Variants in LARGE1 observed in about 807,000 individuals in gnomAD.
LARGE1 encodes the protein LARGE xylosyl- and glucuronyltransferase 1, also known as xylosyl- and glucuronyltransferase LARGE1.
Under a neutral mutation model 87.6 loss-of-function variants are expected in LARGE1, and 43 were observed. The observed-to-expected ratio is 0.49, with a 90% CI of 0.38 to 0.63. The LOEUF (loss-of-function observed/expected upper bound fraction) is 0.63, where lower values mean the gene tolerates loss of function less well. Among genes scored for constraint, LARGE1 ranks in the 30% least tolerant of loss-of-function variants. The pLI is 0.00. For synonymous variants in LARGE1, 434 were observed against 394.6 expected (o/e 1.10, Z -1.18); for missense variants, 802 against 1,000.2 (o/e 0.80, Z 2.67).
chr22:33,590,221 A>C (rs2078796269), intron 5 of LARGE1, among the ~76,000 whole-genome samples: 1 of 152,248 alleles, frequency 6.6e-6, no homozygotes, highest in African/African-American at 2.4e-5. Flanking sequence ...CCAATTTAAA[A>C]TTATTAGTTG....
chr22:33,739,571 GC>G (rs1406109718), intron 2 of LARGE1, among the ~76,000 whole-genome samples: 2 of 152,192 alleles, frequency 1.3e-5, no homozygotes, highest in Non-Finnish European at 2.9e-5. Context: ...TTCAATAACA[GC>G]CTGTGAAGCT....
chr22:33,429,893 C>T (rs1266317536), intron 7 of LARGE1, among the ~76,000 whole-genome samples: 1 of 152,130 alleles, frequency 6.6e-6, no homozygotes, highest in Non-Finnish European at 1.5e-5. Flanking sequence ...GTCTCCAATG[C>T]ACTGAGAAAA....
intron 2 of LARGE1, among the ~76,000 whole-genome samples, chr22:33,715,715 A>G (rs2082888558): frequency 6.6e-6 from 1 of 152,116 alleles, no homozygotes. Context: ...CTCTTCCCCT[A>G]GCTCCCCAAA....
At chr22:33,409,172 G>A (rs908085579) in intron 7 of LARGE1, among the ~76,000 whole-genome samples, 2 of 152,182 alleles carry the variant, frequency 1.3e-5, no homozygotes, top group Admixed American at 1.3e-4. Flanking sequence ...CATCTGATCT[G>A]CTGTGGTGAA....
At chr22:33,736,521 A>G (rs2083661490) in intron 2 of LARGE1, among the ~76,000 whole-genome samples, 1 of 152,234 alleles carries the variant, frequency 6.6e-6, no homozygotes, top group African/African-American at 2.4e-5. Flanking sequence ...AGAGTTATTC[A>G]TCTATTCTGT....
intron 1 of LARGE1, among the ~76,000 whole-genome samples, chr22:33,828,894 T>A (rs539954960): frequency 6.6e-6 from 1 of 152,282 alleles, no homozygotes; most frequent in South Asian, 2.1e-4. Context: ...TACTTGCTAT[T>A]CCCTCTCGCT....
At chr22:33,792,660 A>C (rs561733570) in intron 1 of LARGE1, among the ~76,000 whole-genome samples, 3 of 152,138 alleles carry the variant, frequency 2.0e-5, no homozygotes, top group African/African-American at 2.4e-5. Flanking sequence ...AGAATAATCA[A>C]GTCACATATT....
chr22:33,174,141 C>A (rs1055223841), intron 11 of LARGE1, among the ~76,000 whole-genome samples: 2 of 152,176 alleles, frequency 1.3e-5, no homozygotes, highest in Admixed American at 6.5e-5. Flanking sequence ...AACAAACAGG[C>A]TCTCTGACCA....
intron 4 of LARGE1, among the ~76,000 whole-genome samples, chr22:33,612,995 C>A (rs940425984): frequency 6.6e-6 from 1 of 152,208 alleles, no homozygotes; most frequent in African/African-American, 2.4e-5. Context: ...AGAAACCTCA[C>A]CCTCACCTTT....
intron 6 of LARGE1, among the ~76,000 whole-genome samples, chr22:33,559,890 C>T (rs2077803383): frequency 6.6e-6 from 1 of 152,134 alleles, no homozygotes. Flanking sequence ...TGCTTCCCTG[C>T]CTTTGTTCTC....
chr22:33,636,564 G>A (rs959222964), intron 3 of LARGE1, among the ~76,000 whole-genome samples: 29 of 152,246 alleles, frequency 1.9e-4, no homozygotes, highest in African/African-American at 6.3e-4. Flanking sequence ...GTCTTGCTCC[G>A]TCACCCAGGC....
At chr22:33,508,260 C>T (rs2070859345) in intron 6 of LARGE1, among the ~76,000 whole-genome samples, 2 of 152,178 alleles carry the variant, frequency 1.3e-5, no homozygotes, top group African/African-American at 2.4e-5. Context: ...TGGTGGGTGT[C>T]ACCCTGGGCA....
intron 9 of LARGE1, among the ~76,000 whole-genome samples, chr22:33,339,302 A>G (rs1035451977): frequency 4.6e-5 from 7 of 151,970 alleles, no homozygotes; most frequent in Non-Finnish European, 1.0e-4. Context: ...GGGGTGGCTC[A>G]TTTGGAGCAT....
chr22:33,225,301 C>G (rs1437469973), intron 11 of LARGE1, among the ~76,000 whole-genome samples: 1 of 152,166 alleles, frequency 6.6e-6, no homozygotes, highest in Non-Finnish European at 1.5e-5. Context: ...GGCACTAGTT[C>G]TGGGTGCCTT....
chr22:33,620,740 G>A (rs2079722374), intron 4 of LARGE1, among the ~76,000 whole-genome samples: 1 of 152,020 alleles, frequency 6.6e-6, no homozygotes, highest in Non-Finnish European at 1.5e-5. Flanking sequence ...AGGCTAACAT[G>A]GTAAAACCCC....
At chr22:33,370,758 T>C (rs1034975385) in intron 9 of LARGE1, among the ~76,000 whole-genome samples, 18 of 150,786 alleles carry the variant, frequency 1.2e-4, no homozygotes, top group Non-Finnish European at 2.5e-4. Flanking sequence ...TATTATATTA[T>C]AGAACATTAT....
chr22:33,451,553 G>C (rs1466086032), intron 6 of LARGE1, among the ~76,000 whole-genome samples: 1 of 145,242 alleles, frequency 6.9e-6, no homozygotes, highest in Non-Finnish European at 1.5e-5. Context: ...CTCTATGGGA[G>C]TATCTCATTC....
intron 10 of LARGE1, among the ~76,000 whole-genome samples, chr22:33,325,458 A>G (rs1004001632): frequency 6.6e-6 from 1 of 152,242 alleles, no homozygotes; most frequent in African/African-American, 2.4e-5. Flanking sequence ...CCTGTAGAGC[A>G]GGCTGGGGTT....
rs184696911 is a variant in LARGE1, at chr22:33,298,283, A to G, written c.1730+5946T>C. Among the ~76,000 whole-genome samples, 161 of 152,356 alleles carry G rather than the reference A, an allele frequency of 1.1e-3. 1 individual carries two copies. Among genetic ancestry groups the G allele is most frequent in the Non-Finnish European group, 1.0e-3 (68 of 68,040 alleles). ...CCACCAGGCTGTAAACCTGAGGGCC[A>G]GAACTTTGTCTCCCCTGTTCACTGT... is the stretch of plus-strand genomic sequence containing the variant. On this transcript the variant is annotated intron_variant, in intron 12 of 14. Transcript: ENST00000397394.
Sources: gnomAD v4.1 joint callset for allele counts (sites outside exome capture counted in the v4.1 genomes callset) on GRCh38, gnomAD v4.1.1 for gene constraint, MANE v1.5 for transcripts, NCBI Gene and HGNC (gene_info 2026-07-23, HGNC 2026-07-21) for gene names.